The following ZNF432 variants were observed in gnomAD, a reference collection of about 807,000 sequenced individuals.
The protein encoded by ZNF432 is zinc finger protein 432.
A neutral mutation model predicts 13.9 loss-of-function variants in ZNF432; 10 were observed. The observed-to-expected ratio is 0.72, with a 90% confidence interval of 0.44 to 1.22. ZNF432 has a LOEUF of 1.22. Ranked by LOEUF, ZNF432 falls within the 50% of genes most tolerant of loss-of-function variation. The probability of loss-of-function intolerance (pLI) is 0.00; values close to 1 mark genes in which losing one functional copy is unlikely to be tolerated. For missense variants in ZNF432, 793 were observed against 796.2 expected, an observed-to-expected ratio of 1.00 and a Z score of 0.05; for synonymous variants, 247 against 256.2, an observed-to-expected ratio of 0.96 and a Z score of 0.34.
chr19:52,040,157 G>A (rs1273484617), intron 4 of ZNF432, among the ~76,000 whole-genome samples: 1 of 152,210 alleles, frequency 6.6e-6, no homozygotes, highest in African/African-American at 2.4e-5. Flanking sequence ...GAAGTACTCT[G>A]AGACAGACAT....
chr19:52,046,007 CA>C (rs201110474), intron 2 of ZNF432, among the ~76,000 whole-genome samples: 1,822 of 87,052 alleles, frequency 0.021, 25 homozygotes, highest in African/African-American at 0.062. Flanking sequence ...AAACAAAAAC[CA>C]AAAAAAAAAA....
At chr19:52,045,453 T>C (rs2087172536) in intron 2 of ZNF432, among the ~76,000 whole-genome samples, 1 of 147,692 alleles carries the variant, frequency 6.8e-6, no homozygotes, top group Non-Finnish European at 1.5e-5. Flanking sequence ...ACCTCCCGGA[T>C]TCAAGCGATT....
chr19:52,043,628 T>C (rs1279932458), intron 2 of ZNF432, among the ~76,000 whole-genome samples: 6 of 151,808 alleles, frequency 4.0e-5, no homozygotes, highest in Admixed American at 3.3e-4. Context: ...AAGGCATCTG[T>C]CTCCTGCCCG....
chr19:52,040,557 G>A lies in ZNF432; in HGVS notation c.169C>T (p.Leu57Phe). Residue 57 changes from leucine (L) to phenylalanine (F), a missense_variant, in exon 4 of 5, where the codon CTC (leucine) becomes TTC (phenylalanine). Physicochemically the swap from Leu to Phe is conservative, Grantham distance 22. Coordinates refer to ENST00000221315, the MANE Select transcript of ZNF432 (RefSeq NM_014650.4). ...TCTTCTCCTCGTTCCAACTTGGAGA[G>A]TGCATCTGGTTTGCTGACTTGATAA... Reference protein sequence around the residue: ...MGYQVSKPDALSKLERGEEPW... With the variant: ...MGYQVSKPDAFSKLERGEEPW... 1 of 1,614,098 alleles carries A rather than the reference G, an allele frequency of 6.2e-7. No individual in the cohort carries two copies. Among genetic ancestry groups the A allele is most frequent in the African/African-American group, 1.3e-5 (1 of 75,042 alleles).
At chr19:52,048,128 AACACACACACACACAC>A (rs3138637) in intron 1 of ZNF432, among the ~76,000 whole-genome samples, 6,336 of 103,398 alleles carry the variant, frequency 0.061, 518 homozygotes, top group African/African-American at 0.19. Context: ...GTTTGAGCTC[AACACACACACACACAC>A]ACACACACAC....
intron 4 of ZNF432, among the ~76,000 whole-genome samples, chr19:52,035,863 A>G (rs2087076357): frequency 6.6e-6 from 1 of 152,216 alleles, no homozygotes; most frequent in South Asian, 2.1e-4. Flanking sequence ...ATTTAATGAC[A>G]ATACTACAAT....
intron 2 of ZNF432, among the ~76,000 whole-genome samples, chr19:52,046,630 A>C (rs1460388188): frequency 6.6e-6 from 1 of 152,214 alleles, no homozygotes; most frequent in Non-Finnish European, 1.5e-5. Flanking sequence ...ATCAGATGCA[A>C]ACTGAGAGCT....
Position 52,034,692 on chromosome 19 carries a change from C to T in ZNF432, c.987G>A (p.Lys329=). 1.9e-6 allele frequency: 3 copies of T among 1,613,796 alleles called. No individual in the cohort carries two copies. Among genetic ancestry groups the T allele is most frequent in the Non-Finnish European group, 1.7e-6 (2 of 1,179,912 alleles). The change falls in exon 5 of 5, where the codon AAG becomes AAA. Residue 329 remains lysine (K), a synonymous_variant. Transcript: ENST00000221315. The part of the protein sequence containing the change: ...CSECGKGFTG[K]SMLIIHQRTH... ...TTCGCTGATGTATAATAAGCATGCT[C>T]TTCCCAGTGAAGCCTTTTCCACATT...
intron 1 of ZNF432, among the ~76,000 whole-genome samples, chr19:52,048,168 C>CACACACACACACAT (rs1555777593): frequency 1.3e-4 from 19 of 144,318 alleles, no homozygotes; most frequent in Non-Finnish European, 2.4e-4. Flanking sequence ...CACACACACA[C>CACACACACACACAT]ACACACACAC....
rs1204498532 is a variant in ZNF432, at chr19:52,032,292, T to C, written c.*1428A>G. 6.6e-6 allele frequency: 1 copy of C among 152,132 alleles called. No homozygotes were observed. Among genetic ancestry groups the C allele is most frequent in the Non-Finnish European group, 1.5e-5 (1 of 68,018 alleles). 9.4% of individuals were successfully genotyped at this position (152,132 alleles called of 1,614,324 possible). ...ATTGGCACAGAAAACACCTGTGTTA[T>C]ATATAGGATTAAAATTTAATCAGTG... On this transcript the variant is annotated 3_prime_UTR_variant, in exon 5 of 5. Coordinates refer to ENST00000221315, the MANE Select transcript of ZNF432 (RefSeq NM_014650.4).
intron 4 of ZNF432, among the ~76,000 whole-genome samples, chr19:52,039,828 C>CAAAAAAA (rs562794463): frequency 3.8e-5 from 2 of 52,370 alleles, no homozygotes; most frequent in African/African-American, 6.8e-5. Context: ...GACTCCATCT[C>CAAAAAAA]AAAAAAAAAA....
chr19:52,047,798 T>C (rs1289067822), intron 1 of ZNF432, among the ~76,000 whole-genome samples: 1 of 151,570 alleles, frequency 6.6e-6, no homozygotes, highest in Non-Finnish European at 1.5e-5. Flanking sequence ...AATTCAAAAA[T>C]ATAAATACTG....
Position 52,035,202 on chromosome 19 carries a change from A to G in ZNF432, c.477T>C (p.Ser159=), listed in dbSNP as rs770440225. ...SCEINNSTKF[S]GDGKSFLHGN... ...CATGAAGAAATGATTTCCCATCTCC[A>G]CTAAATTTAGTAGAGTTGTTAATTT... is the stretch of plus-strand genomic sequence containing the variant. The change falls in exon 5 of 5, where the codon AGT becomes AGC. Residue 159 remains serine, a synonymous_variant. Transcript: ENST00000221315. 6.2e-7 allele frequency: 1 copy of G among 1,611,862 alleles called. No individual in the cohort carries two copies. Among genetic ancestry groups the G allele is most frequent in the South Asian group, 1.1e-5 (1 of 90,194 alleles).
intron 4 of ZNF432, 37 bp downstream of exon 4, chr19:52,040,449 CTA>C (rs1405179616): frequency 3.2e-6 from 5 of 1,570,388 alleles, no homozygotes; most frequent in Non-Finnish European, 4.4e-6. Context: ...CTTTCACTGA[CTA>C]TAATATTACT....
In ZNF432 at chr19:52,033,670, T is replaced by C; in HGVS notation, c.*50A>G. On this transcript the variant is annotated 3_prime_UTR_variant, in exon 5 of 5. Transcript: ENST00000221315. ...ATCTATACTGTGAAATCTCTGATGT[T>C]GTACAAGGCAGATTTTCTTCCCAAA... is the stretch of plus-strand genomic sequence containing the variant. 1 of 1,520,998 alleles carries C rather than the reference T, an allele frequency of 6.6e-7. No individual in the cohort carries two copies. The highest frequency in any genetic ancestry group is 2.3e-5 in the East Asian group (1 of 44,214). The allele number at this position is 1,520,998 out of a possible 1,614,324, so 94.2% of individuals were successfully genotyped here.
rs117264179 is a variant in ZNF432, at chr19:52,037,568, G to C, written c.239-2128C>G. The stretch of plus-strand genomic sequence containing the variant: ...TCCCAGCACTTTAGGAGGTCAAGGT[G>C]GGCAGATCACTTGAGCTCTGGAGTT... On this transcript the variant is annotated intron_variant, in intron 4 of 4. Coordinates refer to ENST00000221315, the MANE Select transcript of ZNF432 (RefSeq NM_014650.4). Among the ~76,000 whole-genome samples the C allele has an allele frequency of 2.2e-4, 34 of 152,160 alleles. No homozygotes were observed. In the East Asian group the frequency reaches 6.6e-3, roughly 29 times the overall value.
chr19:52,039,220 C>T (rs1408477329), intron 4 of ZNF432, among the ~76,000 whole-genome samples: 1 of 152,188 alleles, frequency 6.6e-6, no homozygotes, highest in Admixed American at 6.5e-5. Flanking sequence ...CAATTCTACT[C>T]CTAGGTGAAG....
chr19:52,033,859 G>A lies in ZNF432; in HGVS notation c.1820C>T (p.Thr607Ile). 1.2e-6 allele frequency: 2 copies of A among 1,614,108 alleles called. No homozygotes were observed. The highest frequency in any genetic ancestry group is 1.7e-6 in the Non-Finnish European group (2 of 1,180,022). ...YGCNECGKGF[T>I]MKSRLIVHQR... ...ATGAACAATTAGACGGCTCTTCATA[G>A]TGAAGCCTTTACCACATTCATTACA... The change falls in exon 5 of 5, where the codon ACT (threonine) becomes ATT (isoleucine). Residue 607 changes from threonine (T) to isoleucine (I), a missense_variant. Thr to Ile is a moderately conservative substitution (Grantham distance 89). Coordinates refer to ENST00000221315, the MANE Select transcript of ZNF432 (RefSeq NM_014650.4).
chr19:52,044,694 A>G (rs1419647217), intron 2 of ZNF432, among the ~76,000 whole-genome samples: 1 of 152,262 alleles, frequency 6.6e-6, no homozygotes. Context: ...TGAAAATTGT[A>G]TAATTTGATA....
Sources: allele counts gnomAD v4.1 joint callset (sites outside exome capture counted in the v4.1 genomes callset), GRCh38; gene constraint gnomAD v4.1.1; transcripts MANE v1.5; gene names NCBI Gene and HGNC (gene_info 2026-07-23, HGNC 2026-07-21).